GRIN3A: variants seen among roughly 807,000 people sequenced by gnomAD.
The protein encoded by GRIN3A is glutamate ionotropic receptor NMDA type subunit 3A.
GRIN3A carries 47 observed loss-of-function variants against 92.4 expected under a neutral mutation model. The ratio of observed to expected loss-of-function variants is 0.51; its 90% CI spans 0.40 to 0.65. The LOEUF (loss-of-function observed/expected upper bound fraction) is 0.65, where lower values mean the gene tolerates loss of function less well. Ranked by LOEUF, GRIN3A falls within the 30% of genes least tolerant of loss-of-function variation. GRIN3A has a pLI of 0.00. For synonymous variants in GRIN3A, 527 were observed against 540.6 expected (o/e 0.97, Z 0.35); for missense variants, 1,324 against 1,393.1 (o/e 0.95, Z 0.79).
intron 6 of GRIN3A, among the ~76,000 whole-genome samples, chr9:101,608,424 A>G (rs1828314631): frequency 1.3e-5 from 2 of 152,192 alleles, no homozygotes; most frequent in African/African-American, 4.8e-5. Context: ...AAAAACTGCA[A>G]TGGAAAAAAT....
Position 101,618,163 on chromosome 9 carries a change from G to T in GRIN3A, c.2615-4636C>A, listed in dbSNP as rs565258268. ...CATGTCTAAAACACCAAAAGCAATGGCAACAAAAGACAAAATTGACAAATG... is the reference window on the plus strand; with the variant it reads ...CATGTCTAAAACACCAAAAGCAATGTCAACAAAAGACAAAATTGACAAATG... On this transcript the variant is annotated intron_variant, in intron 5 of 8. Transcript: ENST00000361820. Among the ~76,000 whole-genome samples the T allele has an allele frequency of 2.0e-5, 3 of 150,836 alleles. No individual in the cohort carries two copies. The East Asian group carries it at 5.8e-4, about 29-fold the overall frequency.
intron 3 of GRIN3A, among the ~76,000 whole-genome samples, chr9:101,651,130 GAATA>G (rs1829010325): frequency 6.6e-6 from 1 of 151,884 alleles, no homozygotes; most frequent in African/African-American, 2.4e-5. Flanking sequence ...TAACATGGAA[GAATA>G]AATGAATGAT....
intron 8 of GRIN3A, 73 bp downstream of exon 8, chr9:101,577,695 G>T: frequency 1.8e-6 from 2 of 1,109,794 alleles, no homozygotes; most frequent in Non-Finnish European, 2.8e-6. Context: ...GATTTGATCT[G>T]AATAATTATA....
intron 3 of GRIN3A, among the ~76,000 whole-genome samples, chr9:101,647,234 G>A (rs774615928): frequency 3.3e-5 from 5 of 151,816 alleles, no homozygotes; most frequent in Non-Finnish European, 5.9e-5. Flanking sequence ...TGCTTTTTCA[G>A]TATCTCTTGA....
chr9:101,632,194 T>C (rs1828724223), intron 3 of GRIN3A, among the ~76,000 whole-genome samples: 1 of 152,198 alleles, frequency 6.6e-6, no homozygotes, highest in Non-Finnish European at 1.5e-5. Context: ...TACTTCTTTG[T>C]CTAGCTAACT....
intron 4 of GRIN3A, among the ~76,000 whole-genome samples, chr9:101,626,002 T>C (rs1828629804): frequency 6.6e-6 from 1 of 152,190 alleles, no homozygotes; most frequent in South Asian, 2.1e-4. Context: ...CAGATAGCTA[T>C]GATAAATTTC....
intron 1 of GRIN3A, among the ~76,000 whole-genome samples, chr9:101,702,653 TA>T (rs1194711546): frequency 1.3e-5 from 2 of 152,194 alleles, no homozygotes; most frequent in African/African-American, 2.4e-5. Flanking sequence ...CTATACCCCT[TA>T]TTCTTCAATA....
intron 2 of GRIN3A, among the ~76,000 whole-genome samples, chr9:101,673,514 T>C (rs1829355473): frequency 6.6e-6 from 1 of 152,150 alleles, no homozygotes; most frequent in African/African-American, 2.4e-5. Flanking sequence ...TGTTTCATTT[T>C]TAGTCTTACG....
chr9:101,624,655 T>A (rs1343825486), intron 4 of GRIN3A, among the ~76,000 whole-genome samples: 9 of 152,270 alleles, frequency 5.9e-5, no homozygotes, highest in African/African-American at 2.2e-4. Context: ...TCCAAGTCTT[T>A]GCTATTGTGA....
intron 8 of GRIN3A, among the ~76,000 whole-genome samples, chr9:101,576,379 AAC>A (rs1177492735): frequency 2.0e-5 from 3 of 152,172 alleles, no homozygotes; most frequent in Non-Finnish European, 4.4e-5. Context: ...GCCCAAGCTA[AAC>A]CATGAACACC....
intron 7 of GRIN3A, among the ~76,000 whole-genome samples, chr9:101,578,050 T>C (rs1345447909): frequency 6.6e-6 from 1 of 152,134 alleles, no homozygotes; most frequent in African/African-American, 2.4e-5. Context: ...TTATTCCACC[T>C]GGAGAAACAA....
At position 101,579,263 on chromosome 9, in the gene GRIN3A, A is replaced by G; in HGVS notation, c.2864T>C (p.Val955Ala). The G allele has an allele frequency of 6.2e-7, 1 of 1,614,028 alleles. No individual in the cohort carries two copies. Among genetic ancestry groups the G allele is most frequent in the East Asian group, 2.2e-5 (1 of 44,880 alleles). ...SILTTIGEHI[V>A]YRLLLPRIKN... is the part of the protein sequence containing the mutation. Reference sequence around the variant, plus strand: ...GATTCGTGGTAGCAGCAGCCTGTATACTATGTGCTCACCAATGGTGGTCAA... The same window carrying G: ...GATTCGTGGTAGCAGCAGCCTGTATGCTATGTGCTCACCAATGGTGGTCAA... The change falls in exon 7 of 9, where the codon GTA (valine) becomes GCA (alanine). Residue 955 changes from valine to alanine, a missense_variant. Coordinates refer to ENST00000361820, the MANE Select transcript of GRIN3A (RefSeq NM_133445.3).
At chr9:101,655,860 A>G (rs1245115040) in intron 3 of GRIN3A, among the ~76,000 whole-genome samples, 1 of 152,032 alleles carries the variant, frequency 6.6e-6, no homozygotes, top group Non-Finnish European at 1.5e-5. Flanking sequence ...AAAAGAAAAT[A>G]ATGGGATTAG....
Position 101,630,755 on chromosome 9 carries a change from G to A in GRIN3A, c.2353-2354C>T, listed in dbSNP as rs12343188. Among the ~76,000 whole-genome samples, 1,117 of 152,260 alleles carry A rather than the reference G, an allele frequency of 7.3e-3. 13 individuals carry two copies. Among genetic ancestry groups the A allele is most frequent in the African/African-American group, 0.026 (1,077 of 41,546 alleles). ...TTTGCAGATTAAAACACTGAGGCTTGGATAGTTAAAGTAACACCAACTTCT... is the reference window on the plus strand; with the variant it reads ...TTTGCAGATTAAAACACTGAGGCTTAGATAGTTAAAGTAACACCAACTTCT... On this transcript the variant is annotated intron_variant, in intron 3 of 8. Transcript: ENST00000361820.
chr9:101,725,064 G>A (rs559256317), intron 1 of GRIN3A, among the ~76,000 whole-genome samples: 1 of 152,210 alleles, frequency 6.6e-6, no homozygotes, highest in Non-Finnish European at 1.5e-5. Context: ...ACAGTTTCTT[G>A]AGTGTGGCAC....
At chr9:101,630,357 C>T (rs1439605975) in intron 3 of GRIN3A, among the ~76,000 whole-genome samples, 1 of 152,152 alleles carries the variant, frequency 6.6e-6, no homozygotes, top group Non-Finnish European at 1.5e-5. Flanking sequence ...TTTATCTGTG[C>T]TGATATAGTA....
intron 3 of GRIN3A, among the ~76,000 whole-genome samples, chr9:101,633,121 G>T (rs1018350154): frequency 6.6e-6 from 1 of 152,104 alleles, no homozygotes; most frequent in Non-Finnish European, 1.5e-5. Flanking sequence ...AAAATGAGGC[G>T]AACTCGGGAA....
At chr9:101,732,641 A>G (rs1369074353) in intron 1 of GRIN3A, among the ~76,000 whole-genome samples, 3 of 152,142 alleles carry the variant, frequency 2.0e-5, no homozygotes, top group East Asian at 1.9e-4. Flanking sequence ...GGGGAATGCA[A>G]ACATTTTACA....
intron 1 of GRIN3A, among the ~76,000 whole-genome samples, chr9:101,729,042 A>G (rs1830109442): frequency 6.6e-6 from 1 of 152,184 alleles, no homozygotes; most frequent in African/African-American, 2.4e-5. Flanking sequence ...TCTAACAAGA[A>G]TCCCCAAATA....
Sources: gnomAD v4.1 joint callset for allele counts (sites outside exome capture counted in the v4.1 genomes callset) on GRCh38, gnomAD v4.1.1 for gene constraint, MANE v1.5 for transcripts, NCBI Gene and HGNC (gene_info 2026-07-23, HGNC 2026-07-21) for gene names.